Variants in PRMT8 observed in about 807,000 individuals in gnomAD.
PRMT8 encodes protein arginine N-methyltransferase 8.
In PRMT8, 7 loss-of-function variants were observed where a neutral mutation model predicts 47.1. The ratio of observed to expected loss-of-function variants is 0.15; its 90% CI spans 0.08 to 0.28. The LOEUF (loss-of-function observed/expected upper bound fraction) is 0.28. Ranked by LOEUF, PRMT8 falls within the 10% of genes least tolerant of loss-of-function variation. The pLI is 1.00. For synonymous variants in PRMT8, 188 were observed against 186.5 expected (o/e 1.01, Z -0.07); for missense variants, 237 against 505.4 (o/e 0.47, Z 5.09).
intron 2 of PRMT8, among the ~76,000 whole-genome samples, chr12:3,543,514 C>T (rs1177147273): frequency 1.3e-5 from 2 of 152,220 alleles, no homozygotes; most frequent in East Asian, 1.9e-4. Context: ...ACAAGACCCT[C>T]ACACGGTGGG....
In PRMT8 at chr12:3,493,400, C is replaced by G. The variant is rs1308793647; in HGVS notation, c.75+1700C>G. 6.6e-6 allele frequency among the ~76,000 whole-genome samples: 1 copy of G among 152,258 alleles called. No individual in the cohort carries two copies. The highest frequency in any genetic ancestry group is 1.5e-5 in the Non-Finnish European group (1 of 68,046). On this transcript the variant is annotated intron_variant, in intron 1 of 9. Coordinates refer to ENST00000382622, the MANE Select transcript of PRMT8 (RefSeq NM_019854.5). This position sits in a 1 kb window ranked among gnomAD's most constrained non-coding sequence, Gnocchi z 8.2. ...GGCCGCGCTTCTGTGAAGTGTGGAG[C>G]GAGCGGGCACGTAGCGGTCTCTGCC...
chr12:3,479,581 A>G (rs1372244604), intron 1 of PRMT8, among the ~76,000 whole-genome samples: 2 of 152,178 alleles, frequency 1.3e-5, no homozygotes, highest in South Asian at 4.1e-4. Flanking sequence ...AGAAAAAAAA[A>G]TACTCCCCTA....
chr12:3,474,433 G>A (rs1390354274), intron 1 of PRMT8, among the ~76,000 whole-genome samples: 1 of 152,048 alleles, frequency 6.6e-6, no homozygotes, highest in Admixed American at 6.5e-5. Context: ...CCAGCATGCG[G>A]GACCCATGGT....
intron 1 of PRMT8, among the ~76,000 whole-genome samples, chr12:3,527,335 G>GGCGGGCAGCATATACAGCAT (rs1366139893): frequency 1.6e-4 from 25 of 152,022 alleles, no homozygotes; most frequent in Admixed American, 1.4e-3. Context: ...GTGACTAATG[G>GGCGGGCAGCATATACAGCAT]GCGGGCAGCA....
At chr12:3,416,225 A>G (rs148801559) in intron 1 of PRMT8, among the ~76,000 whole-genome samples, 3 of 152,236 alleles carry the variant, frequency 2.0e-5, no homozygotes, top group African/African-American at 7.2e-5. Context: ...TACTGCCCCT[A>G]AATAGGTTTG....
At chr12:3,477,880 T>G (rs1298918965) in intron 1 of PRMT8, among the ~76,000 whole-genome samples, 1 of 152,188 alleles carries the variant, frequency 6.6e-6, no homozygotes, top group Non-Finnish European at 1.5e-5. Flanking sequence ...GGGTGTTGCA[T>G]GAATAATGGA....
rs1319443446 is a variant in PRMT8, at chr12:3,583,257, T to G, written c.979+49T>G. On this transcript the variant is annotated intron_variant, in intron 8 of 9. Transcript: ENST00000382622. This position sits in a 1 kb window ranked among gnomAD's most constrained non-coding sequence, Gnocchi z 4.7. ...AGCCTCCTCCCTCTCCCATGCTTCC[T>G]CAAGTCTTTGTGGGGTGACCAGAGC... 6.4e-7 allele frequency: 1 copy of G among 1,557,996 alleles called. No homozygotes were observed. The highest frequency in any genetic ancestry group is 1.7e-4 in the Middle Eastern group (1 of 5,952).
At chr12:3,526,413 T>C (rs1440573713) in intron 1 of PRMT8, among the ~76,000 whole-genome samples, 1 of 152,208 alleles carries the variant, frequency 6.6e-6, no homozygotes, top group Non-Finnish European at 1.5e-5. Context: ...GGTAATACTA[T>C]ACTTAATTTT....
intron 4 of PRMT8, among the ~76,000 whole-genome samples, chr12:3,555,862 G>GGTGGTTGGCTGGAGGTGAAGTACTCAT (rs1565440486): frequency 1.0e-4 from 11 of 105,226 alleles, no homozygotes; most frequent in African/African-American, 1.6e-4. Flanking sequence ...CTGGGTGGAT[G>GGTGGTTGGCTGGAGGTGAAGTACTCAT]GGACCTGAGG....
chr12:3,531,652 C>A (rs1321505441), intron 1 of PRMT8, among the ~76,000 whole-genome samples: 2 of 152,276 alleles, frequency 1.3e-5, no homozygotes, highest in East Asian at 3.9e-4. Flanking sequence ...GGCGCCTGTG[C>A]ACAGCATGCA....
At chr12:3,536,496 G>T (rs1474179927) in intron 1 of PRMT8, among the ~76,000 whole-genome samples, 1 of 152,222 alleles carries the variant, frequency 6.6e-6, no homozygotes, top group African/African-American at 2.4e-5. Context: ...CAGCTTATGG[G>T]TGCTGGAGGC....
At chr12:3,434,152 G>T (rs910791018) in intron 1 of PRMT8, among the ~76,000 whole-genome samples, 1 of 152,106 alleles carries the variant, frequency 6.6e-6, no homozygotes, top group Non-Finnish European at 1.5e-5. Context: ...TGAACTCGAG[G>T]TCTAGTCATT....
intron 1 of PRMT8, among the ~76,000 whole-genome samples, chr12:3,423,772 G>A (rs1047496079): frequency 1.3e-5 from 2 of 152,170 alleles, no homozygotes; most frequent in Non-Finnish European, 2.9e-5. Flanking sequence ...TGTGTGATTT[G>A]AACTCCACCA....
chr12:3,398,175 C>T (rs1287597902), intron 1 of PRMT8, among the ~76,000 whole-genome samples: 1 of 152,214 alleles, frequency 6.6e-6, no homozygotes, highest in East Asian at 1.9e-4. Context: ...TTCTGCGTCG[C>T]TCATGCTGTG....
At position 3,472,358 on chromosome 12, in the gene PRMT8, GATAA is replaced by G. The variant is rs746221616; in HGVS notation, c.49-68245_49-68242del. Among the ~76,000 whole-genome samples the G allele has an allele frequency of 2.6e-4, 39 of 152,158 alleles. 1 individual carries two copies. Among genetic ancestry groups the G allele is most frequent in the Admixed American group, 1.8e-3 (27 of 15,278 alleles). On this transcript the variant is annotated intron_variant, in intron 1 of 9. Coordinates refer to the PRMT8 transcript ENST00000452611. ...GAGCATAGTAAATGCTTAACTGTTT[GATAA>G]ATGAATGAATGGATGGATGAATAAA...
chr12:3,431,510 T>G (rs1185643359), intron 1 of PRMT8, among the ~76,000 whole-genome samples: 1 of 151,890 alleles, frequency 6.6e-6, no homozygotes, highest in Non-Finnish European at 1.5e-5. Context: ...AAGAGCCAAG[T>G]GTGAGACCTG....
chr12:3,465,222 AATATAAAATAT>A (rs1865084765), intron 1 of PRMT8, among the ~76,000 whole-genome samples: 3 of 143,790 alleles, frequency 2.1e-5, no homozygotes, highest in Admixed American at 7.0e-5. Flanking sequence ...ATATTTTATA[AATATAAAATAT>A]ATATATTTTT....
intron 3 of PRMT8, 23 bp from the exon 4 acceptor site, chr12:3,553,628 C>T (rs760488935): frequency 4.4e-6 from 7 of 1,582,462 alleles, no homozygotes; most frequent in Non-Finnish European, 6.1e-6. Flanking sequence ...ACGCCTTGCT[C>T]CTTTGTCCTA....
At chr12:3,391,130 A>AT (rs1864188343) in intron 1 of PRMT8, among the ~76,000 whole-genome samples, 1 of 151,766 alleles carries the variant, frequency 6.6e-6, no homozygotes, top group African/African-American at 2.4e-5. Context: ...CCTGTGATTC[A>AT]TTTTTTTCGG....
Sources: gnomAD v4.1 joint callset for allele counts (sites outside exome capture counted in the v4.1 genomes callset) on GRCh38, gnomAD v4.1.1 for gene constraint, Gnocchi (gnomAD v3.1) non-coding constraint, MANE v1.5 for transcripts, NCBI Gene and HGNC (gene_info 2026-07-23, HGNC 2026-07-21) for gene names.